Variants in FAT3 observed in about 807,000 individuals in gnomAD.
FAT3 encodes the protein FAT atypical cadherin 3, also known as protocadherin Fat 3.
In FAT3, 95 loss-of-function variants were observed where a neutral mutation model predicts 310.2. The ratio of observed to expected loss-of-function variants is 0.31; its 90% CI spans 0.26 to 0.36. The LOEUF is 0.36. Ranked by LOEUF, FAT3 falls within the 10% of genes least tolerant of loss-of-function variation. The pLI, the probability that FAT3 is intolerant of heterozygous loss-of-function variation, is 1.00. For synonymous variants in FAT3, 2,314 were observed against 2,192.9 expected (o/e 1.06, Z -1.54); for missense variants, 5,408 against 5,715.6 (o/e 0.95, Z 1.74).
Position 92,889,846 on chromosome 11 carries a change from A to G in FAT3, c.13112-10A>G. On this transcript the variant is annotated splice_polypyrimidine_tract_variant and intron_variant, in intron 26 of 27. Transcript: ENST00000525166. ...CTGTCAGTTTTACTTTTCACTTTGT[A>G]TTTAAACAGTGTCTGTCATGGACCA... 2.8e-6 allele frequency: 2 copies of G among 717,890 alleles called. No individual in the cohort carries two copies. Among genetic ancestry groups the G allele is most frequent in the South Asian group, 1.5e-5 (1 of 67,602 alleles). The allele number at this position is 717,890 out of a possible 1,614,324, so 44.5% of individuals were successfully genotyped here. A position where few individuals can be genotyped will look rare whatever the true frequency, so the allele number is the denominator to read the frequency against.
At chr11:92,668,548 AT>A (rs1243745467) in intron 3 of FAT3, among the ~76,000 whole-genome samples, 1 of 152,206 alleles carries the variant, frequency 6.6e-6, no homozygotes, top group Non-Finnish European at 1.5e-5. Context: ...ATGGGCTTGT[AT>A]CTAGACTCCA....
intron 2 of FAT3, among the ~76,000 whole-genome samples, chr11:92,459,654 CT>C (rs1951586147): frequency 1.3e-5 from 2 of 152,076 alleles, no homozygotes; most frequent in East Asian, 3.9e-4. Context: ...TTGGTCAAAC[CT>C]TTTCAATTTT....
intron 22 of FAT3, among the ~76,000 whole-genome samples, chr11:92,880,017 A>G (rs1949636798): frequency 1.3e-5 from 2 of 151,944 alleles, no homozygotes; most frequent in Admixed American, 6.6e-5. Flanking sequence ...TTCCATCTCA[A>G]GAGATAATGC....
At chr11:92,824,092 C>G (rs1175120946) in intron 13 of FAT3, among the ~76,000 whole-genome samples, 2 of 152,128 alleles carry the variant, frequency 1.3e-5, no homozygotes, top group Admixed American at 1.3e-4. Flanking sequence ...TGTGGTGGCT[C>G]ACCCCTGTAA....
chr11:92,315,647 C>G (rs919640795), intron 1 of FAT3, among the ~76,000 whole-genome samples: 1 of 151,088 alleles, frequency 6.6e-6, no homozygotes, highest in Non-Finnish European at 1.5e-5. Context: ...CCTCAGCCTC[C>G]CGAGTAGCGG....
In FAT3 at chr11:92,225,083, C is replaced by T. The variant is rs575056460; in HGVS notation, c.-109C>T. Among the ~76,000 whole-genome samples the T allele has an allele frequency of 1.3e-5, 2 of 152,054 alleles. No individual in the cohort carries two copies. Among genetic ancestry groups the T allele is most frequent in the East Asian group, 3.9e-4 (2 of 5,134 alleles). On this transcript the variant is annotated 5_prime_UTR_variant, in exon 1 of 28. Transcript: ENST00000525166. ...GCTGCGGCGGCAGCAGCCGGGGGACCGGCTCGCCCGGAGCAAGAGCGCCGA... is the reference window on the plus strand; with the variant it reads ...GCTGCGGCGGCAGCAGCCGGGGGACTGGCTCGCCCGGAGCAAGAGCGCCGA...
intron 1 of FAT3, among the ~76,000 whole-genome samples, chr11:92,320,311 G>A (rs916607147): frequency 6.6e-6 from 1 of 152,120 alleles, no homozygotes; most frequent in Non-Finnish European, 1.5e-5. Context: ...TTGACATGCA[G>A]GAAGGAGCCC....
intron 3 of FAT3, among the ~76,000 whole-genome samples, chr11:92,633,930 T>C (rs1177898822): frequency 6.6e-6 from 1 of 152,170 alleles, no homozygotes; most frequent in Non-Finnish European, 1.5e-5. Context: ...CTGAGAACTG[T>C]GCTAAGTGCT....
intron 10 of FAT3, among the ~76,000 whole-genome samples, chr11:92,803,395 A>G (rs1220145296): frequency 6.6e-6 from 1 of 152,242 alleles, no homozygotes; most frequent in African/African-American, 2.4e-5. Context: ...CCAATTAACA[A>G]AGGACCATTA....
intron 4 of FAT3, among the ~76,000 whole-genome samples, chr11:92,734,577 G>T (rs1296586478): frequency 2.6e-5 from 4 of 152,092 alleles, no homozygotes; most frequent in African/African-American, 4.8e-5. Context: ...TAATGCACTA[G>T]AAAATAAAGT....
chr11:92,618,757 G>T (rs1383317856), intron 3 of FAT3, among the ~76,000 whole-genome samples: 1 of 151,266 alleles, frequency 6.6e-6, no homozygotes, highest in East Asian at 2.0e-4. Flanking sequence ...TATTCCTAAG[G>T]GTCTTCTATA....
intron 2 of FAT3, among the ~76,000 whole-genome samples, chr11:92,472,846 G>T (rs879020230): frequency 1.3e-5 from 2 of 152,130 alleles, no homozygotes; most frequent in East Asian, 3.9e-4. Context: ...ACTTAGCTTG[G>T]CAGAAGAGGC....
In FAT3 at chr11:92,468,524, G is replaced by T. The variant is rs911623125; in HGVS notation, c.3293-56110G>T. Among the ~76,000 whole-genome samples the T allele has an allele frequency of 1.3e-4, 20 of 152,268 alleles. 1 individual carries two copies. In the East Asian group the frequency reaches 3.5e-3, roughly 27 times the overall value. The stretch of plus-strand genomic sequence containing the variant: ...CTTCAGAGAAACTGTGGTAGGATCA[G>T]TGCAAAGCCAAGCAATGTTTGGAGG... On this transcript the variant is annotated intron_variant, in intron 2 of 27. Transcript: ENST00000525166.
At chr11:92,299,888 T>C (rs1050701303) in intron 1 of FAT3, among the ~76,000 whole-genome samples, 7 of 152,152 alleles carry the variant, frequency 4.6e-5, no homozygotes, top group African/African-American at 1.7e-4. Context: ...AAGCCTTCCA[T>C]GGCCCCCATA....
chr11:92,857,298 G>A lies in FAT3; in HGVS notation c.11450G>A (p.Arg3817Lys). Residue 3817 changes from arginine (R) to lysine (K), a missense_variant, in exon 20 of 28, where the codon AGG becomes AAG. Around this residue, in one of 5 missense-constraint regions of FAT3, gnomAD observed 4,588 missense variants for 4,809.8 expected, o/e 0.95. Transcript: ENST00000525166. ...DMQCVSYEAS[R>K]RPFLCQCPPG... ...CAGTGTGTCAGTTATGAAGCCAGCA[G>A]GAGACCGTTCCTCTGCCAGTGTCCA... 1 of 1,613,990 alleles carries A rather than the reference G, an allele frequency of 6.2e-7. No homozygotes were observed. The highest frequency in any genetic ancestry group is 8.5e-7 in the Non-Finnish European group (1 of 1,179,882).
chr11:92,240,801 C>T (rs1369502775), intron 1 of FAT3, among the ~76,000 whole-genome samples: 1 of 152,016 alleles, frequency 6.6e-6, no homozygotes, highest in Admixed American at 6.6e-5. Flanking sequence ...TACCTGGTCT[C>T]ATTTTTGGAA....
At chr11:92,685,081 C>T (rs1943592746) in intron 3 of FAT3, among the ~76,000 whole-genome samples, 1 of 152,122 alleles carries the variant, frequency 6.6e-6, no homozygotes, top group African/African-American at 2.4e-5. Flanking sequence ...TTTTTGTAAC[C>T]TCTCTTTTCC....
At chr11:92,328,850 A>AT in intron 1 of FAT3, among the ~76,000 whole-genome samples, 1 of 152,236 alleles carries the variant, frequency 6.6e-6, no homozygotes. Flanking sequence ...AAGTGGGGAT[A>AT]TTTTTTAACT....
At chr11:92,334,807 C>T (rs1046358655) in intron 1 of FAT3, among the ~76,000 whole-genome samples, 1 of 152,168 alleles carries the variant, frequency 6.6e-6, no homozygotes, top group Non-Finnish European at 1.5e-5. Flanking sequence ...ATATGTGAAA[C>T]CTGTTCAGAG....
Sources: allele counts gnomAD v4.1 joint callset (sites outside exome capture counted in the v4.1 genomes callset), GRCh38; gene constraint gnomAD v4.1.1; regional missense constraint gnomAD v4.1.1; transcripts MANE v1.5; gene names NCBI Gene and HGNC (gene_info 2026-07-23, HGNC 2026-07-21).